Variants in ZFR observed in about 807,000 individuals in gnomAD.
ZFR encodes the protein zinc finger RNA binding protein, also known as zinc finger RNA-binding protein.
Under a neutral mutation model 130.7 loss-of-function variants are expected in ZFR, and 19 were observed. The observed-to-expected ratio is 0.15, with a 90% CI of 0.10 to 0.21. ZFR has a LOEUF of 0.21. Ranked by LOEUF, ZFR falls within the 10% of genes least tolerant of loss-of-function variation. The pLI, the probability that ZFR is intolerant of heterozygous loss-of-function variation, is 1.00. For missense variants in ZFR, 872 were observed against 1,321.5 expected (o/e 0.66, Z 5.27); for synonymous variants, 466 against 456.9 (o/e 1.02, Z -0.25).
intron 3 of ZFR, among the ~76,000 whole-genome samples, chr5:32,419,510 G>C (rs1051033837): frequency 6.6e-6 from 1 of 152,098 alleles, no homozygotes; most frequent in African/African-American, 2.4e-5. Context: ...GCTAATTTTT[G>C]TATTTTTAGC....
At position 32,390,281 on chromosome 5, in the gene ZFR, C is replaced by A. The variant is rs576854391; in HGVS notation, c.2136G>T (p.Gly712=). ...CACCAACGTGGACACTCACTGCAGG[C>A]CCCTGAGGCTGAGGAGGCATGCCTG... The part of the protein sequence containing the change: ...VRPGMPPQPQ[G]PAPLRRPDSS... The change falls in exon 12 of 20, where the codon GGG becomes GGT. Residue 712 remains glycine (G), a synonymous_variant. Coordinates refer to ENST00000265069, the MANE Select transcript of ZFR (RefSeq NM_016107.5). The A allele has an allele frequency of 1.9e-6, 3 of 1,613,118 alleles. No individual in the cohort carries two copies. In the African/African-American group the frequency reaches 4.0e-5, roughly 21 times the overall value.
At chr5:32,409,380 A>G (rs1402294449) in intron 5 of ZFR, among the ~76,000 whole-genome samples, 1 of 152,072 alleles carries the variant, frequency 6.6e-6, no homozygotes, top group Non-Finnish European at 1.5e-5. Context: ...ATGGTTGTTA[A>G]GCTGTACTGA....
intron 5 of ZFR, among the ~76,000 whole-genome samples, chr5:32,407,344 T>A (rs1421987349): frequency 1.3e-5 from 2 of 151,334 alleles, no homozygotes; most frequent in East Asian, 3.9e-4. Context: ...AATCTGCTAA[T>A]ATGTCCCCAA....
At chr5:32,423,374 C>A (rs1753998720) in intron 2 of ZFR, among the ~76,000 whole-genome samples, 1 of 151,752 alleles carries the variant, frequency 6.6e-6, no homozygotes, top group Admixed American at 6.6e-5. Flanking sequence ...AAAAAATGAA[C>A]AGACAACACA....
intron 4 of ZFR, among the ~76,000 whole-genome samples, chr5:32,415,515 T>TGTGTGTGTGTGTGTGTGCGC (rs1326041688): frequency 1.2e-4 from 12 of 97,990 alleles, no homozygotes; most frequent in African/African-American, 6.2e-4. Context: ...TGTGTGTGTG[T>TGTGTGTGTGTGTGTGTGCGC]GCGCGCGCGC....
intron 14 of ZFR, among the ~76,000 whole-genome samples, chr5:32,386,638 T>A (rs1753052268): frequency 6.6e-6 from 1 of 151,840 alleles, no homozygotes; most frequent in Non-Finnish European, 1.5e-5. Flanking sequence ...TGGCTCCCGA[T>A]AATTAAAAAA....
At chr5:32,437,939 T>C (rs1754377613) in intron 2 of ZFR, among the ~76,000 whole-genome samples, 1 of 152,180 alleles carries the variant, frequency 6.6e-6, no homozygotes, top group Admixed American at 6.5e-5. Flanking sequence ...CTCTCCTCAC[T>C]ATATACATTA....
At chr5:32,356,777 C>CATT (rs1446208025) in intron 19 of ZFR, among the ~76,000 whole-genome samples, 1 of 152,084 alleles carries the variant, frequency 6.6e-6, no homozygotes, top group East Asian at 1.9e-4. Flanking sequence ...TTTCTGTGCA[C>CATT]TTAATGTGAC....
At chr5:32,442,040 A>G (rs563583637) in intron 2 of ZFR, among the ~76,000 whole-genome samples, 15 of 152,320 alleles carry the variant, frequency 9.8e-5, no homozygotes, top group African/African-American at 3.4e-4. Context: ...TCAAAAAATT[A>G]TTAATTATCT....
At chr5:32,416,914 C>CTT (rs57923621) in intron 4 of ZFR, among the ~76,000 whole-genome samples, 58,436 of 146,142 alleles carry the variant, frequency 0.4, 11,925 homozygotes, top group East Asian at 0.56. Flanking sequence ...CATTTTTTTT[C>CTT]TTTTTTTTTT....
chr5:32,367,078 A>AT (rs1008341397), intron 17 of ZFR, among the ~76,000 whole-genome samples: 2 of 151,780 alleles, frequency 1.3e-5, no homozygotes, highest in African/African-American at 4.8e-5. Context: ...CTTTTTATTT[A>AT]TTTTTTGAGA....
chr5:32,366,852 T>C (rs1376411191), intron 17 of ZFR, among the ~76,000 whole-genome samples: 3 of 151,618 alleles, frequency 2.0e-5, no homozygotes, highest in Admixed American at 1.3e-4. Flanking sequence ...AAATCAAGGA[T>C]TGTAATATTT....
intron 5 of ZFR, among the ~76,000 whole-genome samples, chr5:32,410,649 G>A (rs950020506): frequency 6.6e-6 from 1 of 151,932 alleles, no homozygotes; most frequent in East Asian, 1.9e-4. Flanking sequence ...TAGAAGAGCT[G>A]GCATATAGCT....
chr5:32,405,241 G>A (rs1047714710), intron 6 of ZFR, among the ~76,000 whole-genome samples: 1 of 152,122 alleles, frequency 6.6e-6, no homozygotes, highest in Non-Finnish European at 1.5e-5. Flanking sequence ...GGAAATAAAA[G>A]CCCAAAGAAG....
chr5:32,390,443 A>G lies in ZFR; in HGVS notation c.1980-6T>C. 1 of 1,610,494 alleles carries G rather than the reference A, an allele frequency of 6.2e-7. No homozygotes were observed. Among genetic ancestry groups the G allele is most frequent in the South Asian group, 1.1e-5 (1 of 90,904 alleles). ...ACATGTCCTCTTCATAACGTCTGAA[A>G]CATAAAGAATGACATTATAAGCATA... On this transcript the variant is annotated splice_region_variant and splice_polypyrimidine_tract_variant and intron_variant, in intron 11 of 19. Coordinates refer to ENST00000265069, the MANE Select transcript of ZFR (RefSeq NM_016107.5).
At chr5:32,411,759 A>C (rs1376210882) in intron 5 of ZFR, among the ~76,000 whole-genome samples, 3 of 150,120 alleles carry the variant, frequency 2.0e-5, no homozygotes, top group African/African-American at 4.9e-5. Flanking sequence ...ACAGCTTAAC[A>C]ACCATTTATA....
chr5:32,415,069 A>G lies in ZFR; in HGVS notation c.684T>C (p.Tyr228=). The change falls in exon 5 of 20, where the codon TAT becomes TAC. Residue 228 remains tyrosine, a synonymous_variant. Coordinates refer to ENST00000265069, the MANE Select transcript of ZFR (RefSeq NM_016107.5). ...CTGGCTGTACGGTGGAGGATACAGGATAGATGGAGAAAGTAGTGGTAGCTG... is the reference window on the plus strand; with the variant it reads ...CTGGCTGTACGGTGGAGGATACAGGGTAGATGGAGAAAGTAGTGGTAGCTG... ...PSPATTTFSI[Y]PVSSTVQPVA... 6.2e-7 allele frequency: 1 copy of G among 1,614,118 alleles called. No individual in the cohort carries two copies. The highest frequency in any genetic ancestry group is 8.5e-7 in the Non-Finnish European group (1 of 1,180,008).
chr5:32,391,322 G>A (rs1753169413), intron 11 of ZFR, among the ~76,000 whole-genome samples: 2 of 152,180 alleles, frequency 1.3e-5, no homozygotes, highest in South Asian at 2.1e-4. Flanking sequence ...TGGTGGTCTT[G>A]TAACGTAACC....
intron 3 of ZFR, among the ~76,000 whole-genome samples, chr5:32,418,548 T>C (rs1753883374): frequency 6.6e-6 from 1 of 152,160 alleles, no homozygotes; most frequent in African/African-American, 2.4e-5. Context: ...TAGAAAGGTA[T>C]GTAGGTGAAA....
Sources: allele counts gnomAD v4.1 joint callset (sites outside exome capture counted in the v4.1 genomes callset), GRCh38; gene constraint gnomAD v4.1.1; transcripts MANE v1.5; gene names NCBI Gene and HGNC (gene_info 2026-07-23, HGNC 2026-07-21).